SH3D19: variants seen among roughly 807,000 people sequenced by gnomAD.
The protein encoded by SH3D19 is SH3 domain-containing protein 19.
Under a neutral mutation model 112.1 loss-of-function variants are expected in SH3D19, and 58 were observed. The ratio of observed to expected loss-of-function variants is 0.52; its 90% CI spans 0.42 to 0.64. The LOEUF (loss-of-function observed/expected upper bound fraction) is 0.64. SH3D19 is among the 30% of genes least tolerant of loss of function. SH3D19 has a pLI of 0.00. For missense variants in SH3D19, 1,090 were observed against 1,263.4 expected, an observed-to-expected ratio of 0.86 and a Z score of 2.08; for synonymous variants, 391 against 448.5, an observed-to-expected ratio of 0.87 and a Z score of 1.62.
chr4:151,286,224 T>G (rs1172678726), intron 1 of SH3D19, among the ~76,000 whole-genome samples: 1 of 47,588 alleles, frequency 2.1e-5, no homozygotes, highest in African/African-American at 7.9e-5. Flanking sequence ...CTAAAGAAAA[T>G]ACAAAGAAGG....
At position 151,282,275 on chromosome 4, in the gene SH3D19, G is replaced by A. The variant is rs192149727; in HGVS notation, c.112+42966C>T. The A allele has an allele frequency of 6.8e-5, 110 of 1,613,944 alleles. No individual in the cohort carries two copies. The highest frequency in any genetic ancestry group is 6.6e-4 in the Middle Eastern group (4 of 6,062). ...CAAGTACCAAGATACAACGGCAGAC[G>A]TCGCCTTGTTGAAACTGTCCTCTCA... On this transcript the variant is annotated intron_variant, in intron 1 of 19. Transcript: ENST00000604030.
At chr4:151,226,609 C>T in intron 1 of SH3D19, 1 of 351,030 alleles carries the variant, frequency 2.8e-6, no homozygotes, top group Non-Finnish European at 4.0e-6. Flanking sequence ...AATGTTTCTC[C>T]AGTAATTAGA....
At position 151,174,818 on chromosome 4, in the gene SH3D19, C is replaced by T. The variant is rs1404703096; in HGVS notation, c.1386G>A (p.Leu462=). ...GASQAKAYKS[L]GEGPPANPPV... is the part of the protein sequence containing the mutation. Reference sequence around the variant, plus strand: ...GGGGGTTGGCTGGGGGCCCTTCTCCCAGTGACTTGTATGCTTTGGCTTGTG... The same window carrying T: ...GGGGGTTGGCTGGGGGCCCTTCTCCTAGTGACTTGTATGCTTTGGCTTGTG... The change falls in exon 7 of 20, where the codon CTG becomes CTA. Residue 462 remains leucine (L), a synonymous_variant. Coordinates refer to ENST00000604030, the MANE Select transcript of SH3D19 (RefSeq NM_001378122.1). The T allele has an allele frequency of 2.6e-6, 4 of 1,568,080 alleles. No homozygotes were observed. The South Asian group carries it at 3.7e-5, about 14-fold the overall frequency.
intron 2 of SH3D19, among the ~76,000 whole-genome samples, chr4:151,195,371 C>CAA (rs58618820): frequency 3.3e-4 from 22 of 66,786 alleles, no homozygotes; most frequent in African/African-American, 8.1e-4. Flanking sequence ...GACTCTGTCT[C>CAA]AAAAAAAAAA....
At chr4:151,210,394 C>T (rs975227845) in intron 2 of SH3D19, among the ~76,000 whole-genome samples, 1 of 149,790 alleles carries the variant, frequency 6.7e-6, no homozygotes, top group East Asian at 1.9e-4. Flanking sequence ...TTATATATAT[C>T]ATCCCAATTT....
intron 7 of SH3D19, chr4:151,166,092 C>T (rs185848432): frequency 6.0e-6 from 1 of 166,370 alleles, no homozygotes; most frequent in Non-Finnish European, 1.3e-5. Context: ...CTGTACACCC[C>T]CTGTGCCTGT....
At chr4:151,243,699 T>G (rs1412201943) in intron 1 of SH3D19, among the ~76,000 whole-genome samples, 7 of 152,260 alleles carry the variant, frequency 4.6e-5, no homozygotes, top group African/African-American at 1.7e-4. Context: ...CTGTATCATA[T>G]GTCTCCAGGG....
chr4:151,269,484 T>A (rs902572581), intron 1 of SH3D19, among the ~76,000 whole-genome samples: 6 of 152,188 alleles, frequency 3.9e-5, no homozygotes, highest in African/African-American at 4.8e-5. Flanking sequence ...TTGTTGCCAT[T>A]GCTTTTGATA....
intron 1 of SH3D19, among the ~76,000 whole-genome samples, chr4:151,267,326 C>A (rs1321183688): frequency 6.6e-6 from 1 of 152,006 alleles, no homozygotes; most frequent in Non-Finnish European, 1.5e-5. Flanking sequence ...CAGAGCAAGA[C>A]CCTGTTGTCA....
chr4:151,131,408 A>T (rs986094127), intron 17 of SH3D19, among the ~76,000 whole-genome samples: 32 of 145,812 alleles, frequency 2.2e-4, no homozygotes, highest in African/African-American at 6.6e-4. Context: ...TTTATTATAT[A>T]TTTTCTTGAT....
chr4:151,258,488 G>A (rs1772115367), intron 1 of SH3D19, among the ~76,000 whole-genome samples: 1 of 152,208 alleles, frequency 6.6e-6, no homozygotes, highest in Admixed American at 6.5e-5. Flanking sequence ...GGCAGTTTAG[G>A]CAGAGGGAAG....
At chr4:151,153,595 TG>T (rs1234859773) in intron 9 of SH3D19, among the ~76,000 whole-genome samples, 1 of 152,000 alleles carries the variant, frequency 6.6e-6, no homozygotes, top group African/African-American at 2.4e-5. Flanking sequence ...ATTCAGTAAT[TG>T]TAATTTTTTT....
At chr4:151,279,183 CA>C in intron 1 of SH3D19, 37 of 319,790 alleles carry the variant, frequency 1.2e-4, no homozygotes, top group Non-Finnish European at 1.7e-4. Context: ...GTATACAGGT[CA>C]CCAGCACACT....
chr4:151,128,033 T>G lies in SH3D19; in HGVS notation c.2929+137A>C, dbSNP rs1749799845. The stretch of plus-strand genomic sequence containing the variant: ...TCTAACAAAGCATATGAATGAAGTT[T>G]GCATAACTTCATGTATCAGCTCTTT... On this transcript the variant is annotated intron_variant, in intron 18 of 19. Coordinates refer to ENST00000604030, the MANE Select transcript of SH3D19 (RefSeq NM_001378122.1). 8.0e-6 allele frequency: 5 copies of G among 622,314 alleles called. No homozygotes were observed. In the South Asian group the frequency reaches 1.9e-4, roughly 23 times the overall value. The allele number at this position is 622,314 out of a possible 1,614,324, so 38.5% of individuals were successfully genotyped here. A position where few individuals can be genotyped will look rare whatever the true frequency, so the allele number is the denominator to read the frequency against.
chr4:151,236,319 C>T (rs1029564837), intron 1 of SH3D19, among the ~76,000 whole-genome samples: 2 of 152,258 alleles, frequency 1.3e-5, no homozygotes, highest in Non-Finnish European at 2.9e-5. Flanking sequence ...GCGGGCCCCG[C>T]ACTTGGCACA....
At chr4:151,285,778 G>A (rs751808611) in intron 1 of SH3D19, among the ~76,000 whole-genome samples, 36 of 151,958 alleles carry the variant, frequency 2.4e-4, no homozygotes, top group Non-Finnish European at 3.5e-4. Context: ...GGGGCAGGAG[G>A]ATCCCTTGAG....
At chr4:151,229,423 A>G (rs1399288521) in intron 1 of SH3D19, among the ~76,000 whole-genome samples, 1 of 152,166 alleles carries the variant, frequency 6.6e-6, no homozygotes, top group Non-Finnish European at 1.5e-5. Context: ...AGGTCACTCA[A>G]AGACCAGCAG....
At chr4:151,292,530 T>C (rs1408429645) in intron 1 of SH3D19, among the ~76,000 whole-genome samples, 2 of 152,182 alleles carry the variant, frequency 1.3e-5, no homozygotes, top group African/African-American at 4.8e-5. Flanking sequence ...CAAAGGACAT[T>C]ATAGAAAAGA....
At chr4:151,241,579 A>G (rs1770564000) in intron 1 of SH3D19, among the ~76,000 whole-genome samples, 2 of 151,788 alleles carry the variant, frequency 1.3e-5, no homozygotes, top group Admixed American at 6.6e-5. Context: ...TAATTTATTT[A>G]TTTAAGACAG....
Sources: allele counts gnomAD v4.1 joint callset (sites outside exome capture counted in the v4.1 genomes callset), GRCh38; gene constraint gnomAD v4.1.1; transcripts MANE v1.5; gene names NCBI Gene and HGNC (gene_info 2026-07-23, HGNC 2026-07-21).